LCLAT1: variants seen among roughly 807,000 people sequenced by gnomAD.
The protein encoded by LCLAT1 is lysocardiolipin acyltransferase 1.
A neutral mutation model predicts 30.7 loss-of-function variants in LCLAT1; 11 were observed. The ratio of observed to expected loss-of-function variants is 0.36; its 90% CI spans 0.23 to 0.59. LCLAT1 has a LOEUF of 0.59. LCLAT1 is among the 20% of genes least tolerant of loss of function. The pLI is 0.77. For synonymous variants in LCLAT1, 155 were observed against 151.3 expected, an observed-to-expected ratio of 1.02 and a Z score of -0.18; for missense variants, 402 against 458.6, an observed-to-expected ratio of 0.88 and a Z score of 1.13.
chr2:30,454,756 G>T (rs908339188), intron 1 of LCLAT1, among the ~76,000 whole-genome samples: 2 of 151,858 alleles, frequency 1.3e-5, no homozygotes, highest in Non-Finnish European at 2.9e-5. Flanking sequence ...GCCCTAGGTT[G>T]TTTACATTTT....
chr2:30,485,911 A>G (rs72856621), intron 1 of LCLAT1, among the ~76,000 whole-genome samples: 3,657 of 152,266 alleles, frequency 0.024, 127 homozygotes, highest in African/African-American at 0.082. Context: ...TGTTTATAGA[A>G]TAGTTTGAAA....
At chr2:30,514,333 A>G (rs950660640) in intron 1 of LCLAT1, among the ~76,000 whole-genome samples, 1 of 152,236 alleles carries the variant, frequency 6.6e-6, no homozygotes, top group East Asian at 1.9e-4. Flanking sequence ...AGAAGTGCTT[A>G]TGAAGTAAGT....
At chr2:30,535,488 C>G (rs1305006742) in intron 3 of LCLAT1, among the ~76,000 whole-genome samples, 2 of 152,186 alleles carry the variant, frequency 1.3e-5, no homozygotes, top group African/African-American at 4.8e-5. Flanking sequence ...AGTAAAGCCA[C>G]ACCACAGCAT....
intron 5 of LCLAT1, among the ~76,000 whole-genome samples, chr2:30,575,157 TCAAA>T (rs1031878852): frequency 5.3e-5 from 8 of 152,176 alleles, no homozygotes; most frequent in African/African-American, 1.7e-4. Context: ...TTTTTCCACT[TCAAA>T]CAGTTTTCTG....
At chr2:30,498,896 C>T (rs745434640) in intron 1 of LCLAT1, among the ~76,000 whole-genome samples, 1 of 152,170 alleles carries the variant, frequency 6.6e-6, no homozygotes, top group East Asian at 1.9e-4. Context: ...GAAGCCTGCC[C>T]TTAGGCTCCT....
At chr2:30,503,571 T>C (rs1289002371) in intron 1 of LCLAT1, among the ~76,000 whole-genome samples, 1 of 152,236 alleles carries the variant, frequency 6.6e-6, no homozygotes, top group African/African-American at 2.4e-5. Flanking sequence ...CATGGGTGTA[T>C]GTGGTTTTAA....
At chr2:30,629,416 C>T (rs1296180348) in intron 5 of LCLAT1, among the ~76,000 whole-genome samples, 4 of 151,886 alleles carry the variant, frequency 2.6e-5, no homozygotes, top group Admixed American at 6.6e-5. Context: ...AAAAATTAGC[C>T]GGGCATGGTG....
chr2:30,473,625 C>A (rs972324946), intron 1 of LCLAT1, among the ~76,000 whole-genome samples: 1 of 152,092 alleles, frequency 6.6e-6, no homozygotes, highest in Non-Finnish European at 1.5e-5. Context: ...AACATGGATG[C>A]GTTCTATGGA....
chr2:30,497,169 G>GA (rs1233524389), intron 1 of LCLAT1, among the ~76,000 whole-genome samples: 1 of 152,162 alleles, frequency 6.6e-6, no homozygotes, highest in Non-Finnish European at 1.5e-5. Flanking sequence ...GATATAAACC[G>GA]AAGTGCTTGG....
chr2:30,467,742 A>G (rs1055333265), intron 1 of LCLAT1, among the ~76,000 whole-genome samples: 1 of 152,210 alleles, frequency 6.6e-6, no homozygotes, highest in African/African-American at 2.4e-5. Flanking sequence ...TCTTCTTTTG[A>G]GAAGTGTCTG....
In LCLAT1 at chr2:30,643,929, G is replaced by A. The variant is rs1211295370; in HGVS notation, c.*3310G>A. On this transcript the variant is annotated 3_prime_UTR_variant, in exon 6 of 6. Coordinates refer to ENST00000379509, the MANE Select transcript of LCLAT1 (RefSeq NM_001002257.3). The stretch of plus-strand genomic sequence containing the variant: ...GTGGAGAAATGAGCTTCATGCTGAG[G>A]TAGTGGTTGCCTTAGAGCTGTTATT... The A allele has an allele frequency of 6.6e-6, 1 of 152,610 alleles. No homozygotes were observed. Among genetic ancestry groups the A allele is most frequent in the African/African-American group, 2.4e-5 (1 of 41,446 alleles). 9.5% of individuals were successfully genotyped at this position (152,610 alleles called of 1,614,324 possible). A position where few individuals can be genotyped will look rare whatever the true frequency, so the allele number is the denominator to read the frequency against.
At chr2:30,453,643 T>C (rs529975081) in intron 1 of LCLAT1, among the ~76,000 whole-genome samples, 1 of 152,338 alleles carries the variant, frequency 6.6e-6, no homozygotes, top group African/African-American at 2.4e-5. Context: ...GTTTCTGTCT[T>C]TGAGCTTACT....
chr2:30,498,629 C>T (rs954180157), intron 1 of LCLAT1, among the ~76,000 whole-genome samples: 1 of 152,160 alleles, frequency 6.6e-6, no homozygotes, highest in Non-Finnish European at 1.5e-5. Flanking sequence ...ACTTTATCCT[C>T]TCTCACGATT....
chr2:30,517,497 C>T (rs936789101), intron 1 of LCLAT1, among the ~76,000 whole-genome samples: 3 of 152,230 alleles, frequency 2.0e-5, no homozygotes, highest in Admixed American at 2.0e-4. Flanking sequence ...AATGCAATCT[C>T]CAAGCCTCAG....
intron 1 of LCLAT1, among the ~76,000 whole-genome samples, chr2:30,477,076 A>G (rs538125717): frequency 1.3e-5 from 2 of 152,298 alleles, no homozygotes; most frequent in East Asian, 1.9e-4. Context: ...TAAAGCATCC[A>G]TTCTTTGATG....
At chr2:30,455,504 C>G (rs896861997) in intron 1 of LCLAT1, among the ~76,000 whole-genome samples, 6 of 152,178 alleles carry the variant, frequency 3.9e-5, no homozygotes, top group Non-Finnish European at 5.9e-5. Context: ...CCTCTTCTAG[C>G]TTCTGGTGGC....
intron 5 of LCLAT1, among the ~76,000 whole-genome samples, chr2:30,619,395 C>A (rs1451324847): frequency 6.6e-6 from 1 of 152,210 alleles, no homozygotes; most frequent in Non-Finnish European, 1.5e-5. Flanking sequence ...TTCCAGCTCA[C>A]CCTGGCATTA....
At chr2:30,585,030 TA>T (rs1666371341) in intron 5 of LCLAT1, among the ~76,000 whole-genome samples, 1 of 152,012 alleles carries the variant, frequency 6.6e-6, no homozygotes, top group South Asian at 2.1e-4. Flanking sequence ...AGTGATGTTG[TA>T]GCCAAGTTAC....
intron 3 of LCLAT1, among the ~76,000 whole-genome samples, chr2:30,549,883 G>C (rs974482021): frequency 1.3e-5 from 2 of 152,122 alleles, no homozygotes; most frequent in Non-Finnish European, 2.9e-5. Flanking sequence ...CTTGAAGTCA[G>C]ATGTTTCTGA....
Sources: allele counts gnomAD v4.1 joint callset (sites outside exome capture counted in the v4.1 genomes callset), GRCh38; gene constraint gnomAD v4.1.1; transcripts MANE v1.5; gene names NCBI Gene and HGNC (gene_info 2026-07-23, HGNC 2026-07-21).